SPHKAP: variants seen among roughly 807,000 people sequenced by gnomAD.
SPHKAP encodes the protein SPHK1 interactor, AKAP domain containing.
Under a neutral mutation model 137.5 loss-of-function variants are expected in SPHKAP, and 67 were observed. That is an observed-to-expected ratio of 0.49 (90% CI 0.40 to 0.60). The LOEUF (loss-of-function observed/expected upper bound fraction) is 0.60. SPHKAP is among the 20% of genes least tolerant of loss of function. SPHKAP has a pLI of 0.00. For missense variants in SPHKAP, 2,097 were observed against 2,069.3 expected, an observed-to-expected ratio of 1.01 and a Z score of -0.26; for synonymous variants, 813 against 785.3, an observed-to-expected ratio of 1.04 and a Z score of -0.59.
chr2:228,181,450 T>C lies in SPHKAP; in HGVS notation c.32+117A>G. 7.1e-7 allele frequency: 1 copy of C among 1,404,764 alleles called. No homozygotes were observed. The highest frequency in any genetic ancestry group is 1.0e-6 in the Non-Finnish European group (1 of 990,302). 87.0% of individuals were successfully genotyped at this position (1,404,764 alleles called of 1,614,324 possible). A position where few individuals can be genotyped will look rare whatever the true frequency, so the allele number is the denominator to read the frequency against. On this transcript the variant is annotated intron_variant, in intron 1 of 11. Transcript: ENST00000392056. This position sits in a 1 kb window ranked among gnomAD's most constrained non-coding sequence, Gnocchi z 4.3. Reference sequence around the variant, plus strand: ...ATTTACAAGTGCAGTGACCCCTGTCTCCTCGCTGGGAGCCCCGTGCAAACC... The same window carrying C: ...ATTTACAAGTGCAGTGACCCCTGTCCCCTCGCTGGGAGCCCCGTGCAAACC...
chr2:228,136,690 G>C (rs1160147619), intron 1 of SPHKAP, among the ~76,000 whole-genome samples: 2 of 152,116 alleles, frequency 1.3e-5, no homozygotes, highest in East Asian at 3.9e-4. Context: ...TCTGCATATT[G>C]ACATTAAACT....
intron 3 of SPHKAP, among the ~76,000 whole-genome samples, chr2:228,098,627 G>T (rs1044884314): frequency 6.6e-6 from 1 of 152,090 alleles, no homozygotes. Flanking sequence ...TGGTGGGGTG[G>T]GGGAGGGATA....
chr2:228,077,081 C>T (rs1559160603), intron 3 of SPHKAP, among the ~76,000 whole-genome samples: 1 of 152,162 alleles, frequency 6.6e-6, no homozygotes, highest in Non-Finnish European at 1.5e-5. Context: ...TGGCAGCTTC[C>T]ACATGATGTT....
At chr2:228,176,017 A>G (rs1700728864) in intron 1 of SPHKAP, among the ~76,000 whole-genome samples, 3 of 152,324 alleles carry the variant, frequency 2.0e-5, no homozygotes, top group Non-Finnish European at 4.4e-5. Flanking sequence ...TGTACTTCAT[A>G]ATACTGTCTC....
In SPHKAP at chr2:227,991,025, T is replaced by A; in HGVS notation, c.4934A>T (p.Lys1645Ile). 6.2e-7 allele frequency: 1 copy of A among 1,614,150 alleles called. No homozygotes were observed. The highest frequency in any genetic ancestry group is 1.1e-5 in the South Asian group (1 of 91,084). Residue 1645 changes from lysine to isoleucine, a missense_variant, in exon 11 of 12, where the codon AAA (lysine) becomes ATA (isoleucine). Coordinates refer to ENST00000392056, the MANE Select transcript of SPHKAP (RefSeq NM_001142644.2). ...CTTTTCAATTCTGTTTTCCTGAGAT[T>A]TCTTAAAGTAGATGGTGGGAATCCC... The part of the protein sequence containing the change: ...ELGIPTIYFK[K>I]SQENRIEKFL...
intron 3 of SPHKAP, among the ~76,000 whole-genome samples, chr2:228,043,924 AAAG>A (rs1247749402): frequency 1.3e-5 from 2 of 152,100 alleles, no homozygotes; most frequent in African/African-American, 2.4e-5. Flanking sequence ...AAATATGAAA[AAAG>A]AAAAGGTAGA....
At chr2:228,053,946 TCACCTATGTTTAGTGCATTG>T (rs1696349300) in intron 3 of SPHKAP, among the ~76,000 whole-genome samples, 1 of 152,236 alleles carries the variant, frequency 6.6e-6, no homozygotes, top group South Asian at 2.1e-4. Flanking sequence ...ATGTATTTAA[TCACCTATGTTTAGTGCATTG>T]CTTCAAACAT....
chr2:228,140,373 T>C (rs548932364), intron 1 of SPHKAP, among the ~76,000 whole-genome samples: 2 of 152,286 alleles, frequency 1.3e-5, no homozygotes, highest in South Asian at 2.1e-4. Flanking sequence ...AGAATGTATG[T>C]TACCGTAATT....
At chr2:227,993,889 C>A (rs535029117) in intron 8 of SPHKAP, 1 of 226,780 alleles carries the variant, frequency 4.4e-6, no homozygotes, top group South Asian at 1.6e-4. Context: ...GAAGTGGTAT[C>A]ACAACTGGTA....
rs951110878 is a variant in SPHKAP at position 228,181,482 on chromosome 2, C to T, written c.32+85G>A. 3.1e-6 allele frequency: 5 copies of T among 1,599,056 alleles called. No homozygotes were observed. The African/African-American group carries it at 6.7e-5, about 21-fold the overall frequency. ...TGGGAGCCCCGTGCAAACCGAAGCG[C>T]TCTGGGGCAAGTTGGTGAGCGACTC... On this transcript the variant is annotated intron_variant, in intron 1 of 11. Transcript: ENST00000392056. The surrounding 1 kb of genome is among the most constrained non-coding windows in gnomAD (Gnocchi z 4.3).
At chr2:228,160,490 G>A (rs957848239) in intron 1 of SPHKAP, among the ~76,000 whole-genome samples, 1 of 152,160 alleles carries the variant, frequency 6.6e-6, no homozygotes. Flanking sequence ...GGATGGAGAA[G>A]CATCGAGCAA....
intron 1 of SPHKAP, among the ~76,000 whole-genome samples, chr2:228,168,179 G>A (rs1700475396): frequency 6.7e-6 from 1 of 149,200 alleles, no homozygotes; most frequent in African/African-American, 2.5e-5. Context: ...AATTAAATAT[G>A]AATAGACCAT....
chr2:228,105,262 C>A (rs1698304158), intron 3 of SPHKAP, among the ~76,000 whole-genome samples: 1 of 152,132 alleles, frequency 6.6e-6, no homozygotes. Flanking sequence ...GCCACAATGC[C>A]TGGCCTAATT....
Position 228,138,377 on chromosome 2 carries a change from T to C in SPHKAP, c.33-6292A>G, listed in dbSNP as rs916894441. On this transcript the variant is annotated intron_variant, in intron 1 of 11. Transcript: ENST00000392056. ...CTGCAATAACTTGCATAAAATCTGTTTTAACAATTTAAATATGTATCCAGT... is the reference window on the plus strand; with the variant it reads ...CTGCAATAACTTGCATAAAATCTGTCTTAACAATTTAAATATGTATCCAGT... Among the ~76,000 whole-genome samples, 8 of 152,350 alleles carry C rather than the reference T, an allele frequency of 5.3e-5. No homozygotes were observed. The South Asian group carries it at 1.7e-3, about 32-fold the overall frequency.
At chr2:228,039,008 T>TA (rs1416814021) in intron 3 of SPHKAP, among the ~76,000 whole-genome samples, 1 of 152,182 alleles carries the variant, frequency 6.6e-6, no homozygotes, top group Admixed American at 6.6e-5. Context: ...AAGCATTTGC[T>TA]AAAAAACAGA....
Position 228,008,133 on chromosome 2 carries a change from T to A in SPHKAP, c.4448+8273A>T, listed in dbSNP as rs1267471821. Among the ~76,000 whole-genome samples, 3 of 152,160 alleles carry A rather than the reference T, an allele frequency of 2.0e-5. No individual in the cohort carries two copies. The South Asian group carries it at 6.2e-4, about 32-fold the overall frequency. On this transcript the variant is annotated intron_variant, in intron 7 of 11. Transcript: ENST00000392056. ...CTCCCAATCTGTGGCTTATCTCTTC[T>A]CATTCTCTTGTCAGTGTCTTTCACA...
At chr2:228,146,211 G>A (rs4395245) in intron 1 of SPHKAP, among the ~76,000 whole-genome samples, 94,289 of 151,942 alleles carry the variant, frequency 0.62, 29,320 homozygotes, top group Admixed American at 0.7. Context: ...AATATCCCCA[G>A]CCATAGTGGT....
intron 3 of SPHKAP, among the ~76,000 whole-genome samples, chr2:228,105,783 G>A (rs1047188736): frequency 9.2e-5 from 14 of 152,254 alleles, no homozygotes; most frequent in Admixed American, 4.6e-4. Flanking sequence ...GCCACCATAT[G>A]AGTTGTGCCT....
intron 1 of SPHKAP, among the ~76,000 whole-genome samples, chr2:228,176,805 G>A (rs373283585): frequency 6.6e-6 from 1 of 152,214 alleles, no homozygotes; most frequent in African/African-American, 2.4e-5. Context: ...CCGGAGGGAG[G>A]TGGAGGTTGC....
Sources: allele counts gnomAD v4.1 joint callset (sites outside exome capture counted in the v4.1 genomes callset), GRCh38; gene constraint gnomAD v4.1.1; non-coding constraint Gnocchi (gnomAD v3.1); transcripts MANE v1.5; gene names NCBI Gene and HGNC (gene_info 2026-07-23, HGNC 2026-07-21).